Variants in ZNF229 observed in about 807,000 individuals in gnomAD.
ZNF229 encodes zinc finger protein 229.
Under a neutral mutation model 11.8 loss-of-function variants are expected in ZNF229, and 10 were observed. The ratio of observed to expected loss-of-function variants is 0.85; its 90% CI spans 0.52 to 1.44. The LOEUF (loss-of-function observed/expected upper bound fraction) is 1.44, where lower values mean the gene tolerates loss of function less well. Ranked by LOEUF, ZNF229 falls within the 40% of genes most tolerant of loss-of-function variation. The pLI is 0.00. For synonymous variants in ZNF229, 368 were observed against 374.8 expected, an observed-to-expected ratio of 0.98 and a Z score of 0.21; for missense variants, 1,045 against 1,015.1, an observed-to-expected ratio of 1.03 and a Z score of -0.40.
Position 44,430,249 on chromosome 19 carries a change from C to T in ZNF229, c.532G>A (p.Ala178Thr), listed in dbSNP as rs1337348789. The change falls in exon 6 of 6, where the codon GCT (alanine) becomes ACT (threonine). Residue 178 changes from alanine (A) to threonine (T), a missense_variant. By Grantham distance (58) the Ala-to-Thr change is moderately conservative (BLOSUM62 0). Coordinates refer to ENST00000614049, the MANE Select transcript of ZNF229 (RefSeq NM_014518.4). Reference sequence around the variant, plus strand: ...CCTTGAATGGGGATTGGTCTTATAGCTCTCCAGGCTGGAAACTGTTGATTT... The same window carrying T: ...CCTTGAATGGGGATTGGTCTTATAGTTCTCCAGGCTGGAAACTGTTGATTT... The part of the protein sequence containing the change: ...LENQQFPAWR[A>T]IRPIPIQGSW... The T allele has an allele frequency of 1.9e-6, 3 of 1,614,024 alleles. No homozygotes were observed.
Position 44,428,880 on chromosome 19 carries a change from CCACACTCAG to C in ZNF229, c.1892_1900del (p.Ala631_Cys633del). On this transcript the variant is annotated inframe_deletion, in exon 6 of 6. Transcript: ENST00000614049. ...CCCTGAGCTGTAACTGAAGCCTTTG[CCACACTCAG>C]CACATTTATAGGGTTTCTCTCCAGT... is the stretch of plus-strand genomic sequence containing the variant. 1 of 1,613,682 alleles carries C rather than the reference CCACACTCAG, an allele frequency of 6.2e-7. No homozygotes were observed. Among genetic ancestry groups the C allele is most frequent in the Non-Finnish European group, 8.5e-7 (1 of 1,179,966 alleles).
chr19:44,431,791 C>T (rs922894654), intron 5 of ZNF229: 15 of 988,504 alleles, frequency 1.5e-5, no homozygotes, highest in Middle Eastern at 5.1e-4. Flanking sequence ...CTTGGAGTTT[C>T]TCCATCTGTT....
At chr19:44,446,414 T>C (rs1453580000) in intron 2 of ZNF229, among the ~76,000 whole-genome samples, 6 of 152,218 alleles carry the variant, frequency 3.9e-5, no homozygotes, top group African/African-American at 1.4e-4. Context: ...TGTAGTTATA[T>C]TAACACCACA....
chr19:44,433,893 A>G (rs1971767854), intron 4 of ZNF229, among the ~76,000 whole-genome samples: 1 of 152,044 alleles, frequency 6.6e-6, no homozygotes, highest in South Asian at 2.1e-4. Flanking sequence ...CAGCCTCCTG[A>G]GTAGCTGGGA....
In ZNF229 at chr19:44,428,707, C is replaced by T. The variant is rs1971633969; in HGVS notation, c.2074G>A (p.Gly692Arg). The T allele has an allele frequency of 1.9e-6, 3 of 1,612,894 alleles. No homozygotes were observed. The highest frequency in any genetic ancestry group is 2.7e-5 in the African/African-American group (2 of 74,498). The change falls in exon 6 of 6, where the codon GGA becomes AGA. Residue 692 changes from glycine (G) to arginine (R), a missense_variant. By Grantham distance (125) the Gly-to-Arg change is moderately radical (BLOSUM62 -2). Transcript: ENST00000614049. The stretch of plus-strand genomic sequence containing the variant: ...CGAAGATTAGAGCCATAACTGAATC[C>T]CTTGCCACACTGATCACACGTATAG... ...KPYTCDQCGK[G>R]FSYGSNLRTH...
Position 44,428,735 on chromosome 19 carries a change from C to CT in ZNF229, c.2045dup (p.Pro683AlafsTer5), listed in dbSNP as rs560495393. 7,467 of 1,613,848 alleles carry CT rather than the reference C, an allele frequency of 4.6e-3. 37 individuals carry two copies. The highest frequency in any genetic ancestry group is 5.8e-3 in the Non-Finnish European group (6,839 of 1,179,986). ...TGCCACACTGATCACACGTATAGGG[C>CT]TTTTTTCCCGTGTGGACTCGCTGAT... On this transcript the variant is annotated frameshift_variant, in exon 6 of 6. Transcript: ENST00000614049. LOFTEE classifies it low-confidence loss of function (END_TRUNC).
chr19:44,434,947 G>A (rs992910224), intron 4 of ZNF229, among the ~76,000 whole-genome samples: 2 of 151,986 alleles, frequency 1.3e-5, no homozygotes, highest in African/African-American at 4.8e-5. Context: ...TTCTCATGAT[G>A]GTGAATAAGT....
At chr19:44,434,041 T>C (rs1226723895) in intron 4 of ZNF229, among the ~76,000 whole-genome samples, 1 of 152,200 alleles carries the variant, frequency 6.6e-6, no homozygotes, top group African/African-American at 2.4e-5. Context: ...AATGCCAGAA[T>C]GGCCTAACAC....
Position 44,429,742 on chromosome 19 carries a change from T to A in ZNF229, c.1039A>T (p.Met347Leu). The A allele has an allele frequency of 6.2e-7, 1 of 1,614,126 alleles. No individual in the cohort carries two copies. ...RNHPRAPVGDMPYRCDVCGKG... is the reference protein window; with the variant it reads ...RNHPRAPVGDLPYRCDVCGKG... ...CCACAGACATCACATCTATAGGGCATGTCTCCCACAGGGGCTCTGGGGTGG... is the reference window on the plus strand; with the variant it reads ...CCACAGACATCACATCTATAGGGCAAGTCTCCCACAGGGGCTCTGGGGTGG... Residue 347 changes from methionine to leucine, a missense_variant, in exon 6 of 6, where the codon ATG (methionine) becomes TTG (leucine). Physicochemically the swap from Met to Leu is conservative, Grantham distance 15. Coordinates refer to ENST00000614049, the MANE Select transcript of ZNF229 (RefSeq NM_014518.4).
intron 2 of ZNF229, among the ~76,000 whole-genome samples, chr19:44,444,641 T>A (rs187731157): frequency 8.5e-5 from 13 of 152,348 alleles, no homozygotes; most frequent in African/African-American, 2.9e-4. Context: ...TGAGCAATGA[T>A]GAAAACAGAC....
chr19:44,428,429 A>C lies in ZNF229; in HGVS notation c.2352T>G (p.His784Gln). The change falls in exon 6 of 6, where the codon CAT (histidine) becomes CAG (glutamine). Residue 784 changes from histidine (H) to glutamine (Q), a missense_variant. Transcript: ENST00000614049. ...GKGFGRNSCL[H>Q]VHQRVHTGEK... is the part of the protein sequence containing the mutation. ...CTCCAGTGTGGACTCTCTGATGAAC[A>C]TGAAGACAGGAGTTGCGGCCAAAGC... is the stretch of plus-strand genomic sequence containing the variant. The C allele has an allele frequency of 6.2e-7, 1 of 1,613,632 alleles. No individual in the cohort carries two copies. The highest frequency in any genetic ancestry group is 8.5e-7 in the Non-Finnish European group (1 of 1,179,910).
At chr19:44,447,002 G>C (rs1972014392) in intron 2 of ZNF229, among the ~76,000 whole-genome samples, 1 of 152,154 alleles carries the variant, frequency 6.6e-6, no homozygotes, top group Non-Finnish European at 1.5e-5. Flanking sequence ...TAAGCGCAAA[G>C]ACCTGGTTTC....
chr19:44,437,808 T>C (rs1349527853), intron 4 of ZNF229, among the ~76,000 whole-genome samples: 1 of 152,108 alleles, frequency 6.6e-6, no homozygotes, highest in Admixed American at 6.5e-5. Context: ...TGAGATCATA[T>C]CCTCTGCAGC....
At chr19:44,436,186 A>G (rs879775131) in intron 4 of ZNF229, among the ~76,000 whole-genome samples, 3 of 152,172 alleles carry the variant, frequency 2.0e-5, no homozygotes, top group Non-Finnish European at 4.4e-5. Flanking sequence ...CAGCCTGGGC[A>G]ACATGGCAAG....
rs772578055 is a variant in ZNF229 at position 44,428,924 on chromosome 19, C to T, written c.1857G>A (p.Gln619=). The T allele has an allele frequency of 6.2e-7, 1 of 1,613,728 alleles. No individual in the cohort carries two copies. Among genetic ancestry groups the T allele is most frequent in the Non-Finnish European group, 8.5e-7 (1 of 1,179,980 alleles). ...FIYSSDLLIH[Q]RVHTGEKPYK... is the part of the protein sequence containing the mutation. The stretch of plus-strand genomic sequence containing the variant: ...AGGGTTTCTCTCCAGTGTGGACCCT[C>T]TGATGGATAAGGAGGTCGGAGCTGT... Residue 619 remains glutamine, a synonymous_variant, in exon 6 of 6, where the codon CAG becomes CAA. Transcript: ENST00000614049.
At position 44,429,487 on chromosome 19, in the gene ZNF229, G is replaced by A; in HGVS notation, c.1294C>T (p.Pro432Ser). The A allele has an allele frequency of 6.2e-7, 1 of 1,613,888 alleles. No homozygotes were observed. Among genetic ancestry groups the A allele is most frequent in the Non-Finnish European group, 8.5e-7 (1 of 1,179,990 alleles). ...VHQRLHTGEK[P>S]YTCSECGKGF... ...TTGCCACACTCGCTGCAGGTGTAGG[G>A]CTTCTCCCCTGTGTGCAGCCTCTGA... The change falls in exon 6 of 6, where the codon CCC (proline) becomes TCC (serine). Residue 432 changes from proline to serine, a missense_variant. Physicochemically the swap from Pro to Ser is moderately conservative, Grantham distance 74. Transcript: ENST00000614049.
At position 44,432,345 on chromosome 19, in the gene ZNF229, C is replaced by T. The variant is rs367712470; in HGVS notation, c.115G>A (p.Val39Met). ...MSQEPLSFKDVAVVFTEEELE... is the reference protein window; with the variant it reads ...MSQEPLSFKDMAVVFTEEELE... Reference sequence around the variant, plus strand: ...TCCTCCTCAGTGAAGACCACAGCCACGTCCTTGAAGCTCAATGGCTCCTAA... The same window carrying T: ...TCCTCCTCAGTGAAGACCACAGCCATGTCCTTGAAGCTCAATGGCTCCTAA... Residue 39 changes from valine (V) to methionine (M), a missense_variant, in exon 5 of 6, where the codon GTG (valine) becomes ATG (methionine). Val to Met is a conservative substitution (Grantham distance 21). Transcript: ENST00000614049. 25 of 1,613,270 alleles carry T rather than the reference C, an allele frequency of 1.5e-5. No individual in the cohort carries two copies. Among genetic ancestry groups the T allele is most frequent in the South Asian group, 8.8e-5 (8 of 90,952 alleles).
At chr19:44,432,727 T>C (rs1187540708) in intron 4 of ZNF229, among the ~76,000 whole-genome samples, 2 of 151,796 alleles carry the variant, frequency 1.3e-5, no homozygotes, top group South Asian at 2.1e-4. Context: ...CATTAGGAGA[T>C]ATACCTAATG....
At position 44,429,735 on chromosome 19, in the gene ZNF229, T is replaced by C. The variant is rs771367490; in HGVS notation, c.1046A>G (p.Tyr349Cys). ...CCCCTTTCCACAGACATCACATCTA[T>C]AGGGCATGTCTCCCACAGGGGCTCT... is the stretch of plus-strand genomic sequence containing the variant. ...HPRAPVGDMP[Y>C]RCDVCGKGFR... Residue 349 changes from tyrosine (Y) to cysteine (C), a missense_variant, in exon 6 of 6, where the codon TAT becomes TGT. Physicochemically the swap from Tyr to Cys is radical, Grantham distance 194. Coordinates refer to ENST00000614049, the MANE Select transcript of ZNF229 (RefSeq NM_014518.4). 1.2e-5 allele frequency: 19 copies of C among 1,613,996 alleles called. No individual in the cohort carries two copies. In the East Asian group the frequency reaches 1.6e-4, roughly 13 times the overall value.
Sources: allele counts gnomAD v4.1 joint callset (sites outside exome capture counted in the v4.1 genomes callset), GRCh38; gene constraint gnomAD v4.1.1; transcripts MANE v1.5; gene names NCBI Gene and HGNC (gene_info 2026-07-23, HGNC 2026-07-21).